Variants in SLC1A3 observed in about 807,000 individuals in gnomAD.
The protein encoded by SLC1A3 is excitatory amino acid transporter 1.
SLC1A3 carries 21 observed loss-of-function variants against 48.1 expected under a neutral mutation model. That is an observed-to-expected ratio of 0.44 (90% confidence interval 0.31 to 0.63). The LOEUF is 0.63. SLC1A3 is among the 20% of genes least tolerant of loss of function. SLC1A3 has a pLI of 0.08. For missense variants in SLC1A3, 546 were observed against 689.0 expected (o/e 0.79, Z 2.32); for synonymous variants, 239 against 251.4 (o/e 0.95, Z 0.47).
At position 36,601,054 on chromosome 5, in the gene SLC1A3, A is replaced by C. The variant is rs16903174; in HGVS notation, c.-96+4376A>C. On this transcript the variant is annotated intron_variant, in intron 1 of 9. Coordinates refer to the SLC1A3 transcript ENST00000680318. Reference sequence around the variant, plus strand: ...CAATACCCAGACCTCCTGCCAAAAAAATGTCCAAATGCGAAATAGTTGCTA... The same window carrying C: ...CAATACCCAGACCTCCTGCCAAAAACATGTCCAAATGCGAAATAGTTGCTA... Among the ~76,000 whole-genome samples, 886 of 152,318 alleles carry C rather than the reference A, an allele frequency of 5.8e-3. 19 individuals are homozygous for C. The highest frequency in any genetic ancestry group is 0.02 in the African/African-American group (850 of 41,560).
At chr5:36,623,009 C>T (rs1194408984) in intron 2 of SLC1A3, among the ~76,000 whole-genome samples, 1 of 108,732 alleles carries the variant, frequency 9.2e-6, no homozygotes, top group Non-Finnish European at 1.7e-5. Flanking sequence ...GAGACTCCAT[C>T]ATCTCAAAAA....
chr5:36,662,319 C>G (rs1030691640), intron 3 of SLC1A3, among the ~76,000 whole-genome samples: 2 of 152,142 alleles, frequency 1.3e-5, no homozygotes, highest in African/African-American at 4.8e-5. Context: ...GCCTGTTGCC[C>G]CCACTGCCCA....
chr5:36,635,146 C>G (rs1219739344), intron 3 of SLC1A3, among the ~76,000 whole-genome samples: 1 of 151,828 alleles, frequency 6.6e-6, no homozygotes, highest in Non-Finnish European at 1.5e-5. Context: ...CACCTGCCCC[C>G]CTCAACACCT....
intron 2 of SLC1A3, 198 bp downstream of exon 2, chr5:36,608,802 G>A: frequency 7.3e-7 from 1 of 1,364,574 alleles, no homozygotes; most frequent in Non-Finnish European, 9.4e-7. Flanking sequence ...CACATCATTA[G>A]GCATCATTAG....
chr5:36,621,478 G>C (rs930916751), intron 2 of SLC1A3, among the ~76,000 whole-genome samples: 2 of 152,152 alleles, frequency 1.3e-5, no homozygotes, highest in African/African-American at 4.8e-5. Context: ...GGGAGTAGGG[G>C]AGAGAGATCC....
At chr5:36,633,820 C>A (rs1428560476) in intron 3 of SLC1A3, among the ~76,000 whole-genome samples, 2 of 152,110 alleles carry the variant, frequency 1.3e-5, no homozygotes, top group African/African-American at 4.8e-5. Flanking sequence ...TTCTTTAAAC[C>A]AACATACTCT....
intron 3 of SLC1A3, among the ~76,000 whole-genome samples, chr5:36,662,149 A>C (rs561997862): frequency 6.6e-6 from 1 of 152,316 alleles, no homozygotes; most frequent in Admixed American, 6.5e-5. Context: ...TGCTCTCCCC[A>C]GGCTCTTTCT....
intron 5 of SLC1A3, among the ~76,000 whole-genome samples, chr5:36,675,077 A>G (rs890053669): frequency 6.6e-6 from 1 of 152,204 alleles, no homozygotes; most frequent in African/African-American, 2.4e-5. Context: ...GTAATTCCCT[A>G]ACGCTTCTGC....
chr5:36,646,465 A>G (rs369413297), intron 3 of SLC1A3, among the ~76,000 whole-genome samples: 2 of 152,340 alleles, frequency 1.3e-5, no homozygotes, highest in East Asian at 3.9e-4. Context: ...TTATTCAGTA[A>G]TGTCTGCCCA....
chr5:36,645,821 G>A (rs1280490664), intron 3 of SLC1A3, among the ~76,000 whole-genome samples: 1 of 152,152 alleles, frequency 6.6e-6, no homozygotes, highest in Non-Finnish European at 1.5e-5. Context: ...TATATAATTG[G>A]AGAGTTAGGG....
intron 3 of SLC1A3, chr5:36,668,497 G>A (rs1232340225): frequency 1.3e-5 from 2 of 152,210 alleles, no homozygotes; most frequent in South Asian, 2.1e-4. Flanking sequence ...AACTCTGTGT[G>A]GGACTTCGAT....
intron 2 of SLC1A3, among the ~76,000 whole-genome samples, chr5:36,614,194 T>C (rs1347744978): frequency 6.6e-6 from 1 of 152,254 alleles, no homozygotes; most frequent in African/African-American, 2.4e-5. Flanking sequence ...CCTTAAATGA[T>C]TTCCCTAAGT....
intron 2 of SLC1A3, among the ~76,000 whole-genome samples, chr5:36,625,218 G>C (rs947426581): frequency 6.6e-6 from 1 of 152,226 alleles, no homozygotes; most frequent in Non-Finnish European, 1.5e-5. Context: ...AGCACTTCGG[G>C]AAGCCGAGGC....
intron 3 of SLC1A3, among the ~76,000 whole-genome samples, chr5:36,659,773 AATGTTT>A (rs1303770401): frequency 6.6e-6 from 1 of 152,264 alleles, no homozygotes; most frequent in Non-Finnish European, 1.5e-5. Context: ...TCAAAGGCTT[AATGTTT>A]ATGTCCTTTG....
intron 2 of SLC1A3, among the ~76,000 whole-genome samples, chr5:36,624,504 C>T (rs1329059100): frequency 6.6e-6 from 1 of 152,182 alleles, no homozygotes; most frequent in African/African-American, 2.4e-5. Flanking sequence ...TTTACCTGCC[C>T]TCTCAATGAC....
intron 3 of SLC1A3, among the ~76,000 whole-genome samples, chr5:36,639,038 T>G (rs938812057): frequency 6.6e-6 from 1 of 152,088 alleles, no homozygotes; most frequent in Non-Finnish European, 1.5e-5. Context: ...GAGCATAAAG[T>G]AAAAAGTGAA....
chr5:36,623,981 G>T (rs540393515), intron 2 of SLC1A3, among the ~76,000 whole-genome samples: 1 of 152,266 alleles, frequency 6.6e-6, no homozygotes, highest in African/African-American at 2.4e-5. Context: ...TTTCCATGAA[G>T]GCTTTTTTCA....
chr5:36,680,377 C>T lies in SLC1A3; in HGVS notation c.1095-18C>T. On this transcript the variant is annotated intron_variant, in intron 7 of 9. Transcript: ENST00000265113. ...TACCAGGACACTCAGCTGATGTGCC[C>T]TATTTCACTGTTCTCAGTTCTGCCA... is the stretch of plus-strand genomic sequence containing the variant. 1.2e-6 allele frequency: 2 copies of T among 1,610,548 alleles called. No homozygotes were observed. The highest frequency in any genetic ancestry group is 1.7e-6 in the Non-Finnish European group (2 of 1,176,930).
chr5:36,628,389 G>C lies in SLC1A3; in HGVS notation c.182-1061G>C, dbSNP rs569495511. 3.3e-5 allele frequency among the ~76,000 whole-genome samples: 5 copies of C among 152,126 alleles called. No individual in the cohort carries two copies. The South Asian group carries it at 1.0e-3, about 32-fold the overall frequency. ...CCTCTAGAAAAGCTTGTGCCAACCC[G>C]GTATCATTCCCGCTTCTCCCCACCA... On this transcript the variant is annotated intron_variant, in intron 2 of 9. Coordinates refer to ENST00000265113, the MANE Select transcript of SLC1A3 (RefSeq NM_004172.5).
Sources: allele counts gnomAD v4.1 joint callset (sites outside exome capture counted in the v4.1 genomes callset), GRCh38; gene constraint gnomAD v4.1.1; transcripts MANE v1.5; gene names NCBI Gene and HGNC (gene_info 2026-07-23, HGNC 2026-07-21).